The following TAFA4 variants were observed in gnomAD, a reference collection of about 807,000 sequenced individuals.
TAFA4 encodes TAFA chemokine like family member 4, also known as chemokine-like protein TAFA-4.
TAFA4 carries 20 observed loss-of-function variants against 21.1 expected under a neutral mutation model. The observed-to-expected ratio is 0.95, with a 90% confidence interval of 0.67 to 1.38. The LOEUF (loss-of-function observed/expected upper bound fraction) is 1.38. TAFA4 is among the 40% of genes most tolerant of loss of function. The pLI is 0.00. For missense variants in TAFA4, 211 were observed against 180.9 expected (o/e 1.17, Z -0.95); for synonymous variants, 71 against 67.4 (o/e 1.05, Z -0.26).
At position 68,755,000 on chromosome 3, in the gene TAFA4, G is replaced by A. The variant is rs145530518; in HGVS notation, c.131-1982C>T. ...CTTGATGACTTTTTGTGGGGCATCC[G>A]ACTTAGAAACCCGAATCTCAATGTG... On this transcript the variant is annotated intron_variant, in intron 3 of 5. Coordinates refer to ENST00000295569, the MANE Select transcript of TAFA4 (RefSeq NM_182522.5). Among the ~76,000 whole-genome samples the A allele has an allele frequency of 3.4e-3, 514 of 152,212 alleles. 5 individuals are homozygous for A. The highest frequency in any genetic ancestry group is 0.012 in the African/African-American group (481 of 41,524).
At position 68,776,649 on chromosome 3, in the gene TAFA4, C is replaced by A. The variant is rs572040667; in HGVS notation, c.131-23631G>T. On this transcript the variant is annotated intron_variant, in intron 3 of 5. Transcript: ENST00000295569. Reference sequence around the variant, plus strand: ...CATCAATCACAGCAGAACTGTCAACCAGCTGGACTTACTTACTATTTATGG... The same window carrying A: ...CATCAATCACAGCAGAACTGTCAACAAGCTGGACTTACTTACTATTTATGG... Among the ~76,000 whole-genome samples the A allele has an allele frequency of 2.0e-5, 3 of 152,270 alleles. No homozygotes were observed. The East Asian group carries it at 5.8e-4, about 29-fold the overall frequency.
chr3:68,914,557 T>C (rs1001120633), intron 1 of TAFA4, among the ~76,000 whole-genome samples: 9 of 129,082 alleles, frequency 7.0e-5, no homozygotes, highest in African/African-American at 2.6e-4. Flanking sequence ...TTAAAGTTTA[T>C]TTAAATTGTG....
intron 1 of TAFA4, among the ~76,000 whole-genome samples, chr3:68,914,972 G>A (rs1191411122): frequency 2.0e-5 from 3 of 152,088 alleles, no homozygotes; most frequent in Non-Finnish European, 4.4e-5. Context: ...ACATACCATC[G>A]CAGGCTTTTT....
intron 1 of TAFA4, among the ~76,000 whole-genome samples, chr3:68,901,513 C>A (rs1301018300): frequency 6.6e-6 from 1 of 152,028 alleles, no homozygotes; most frequent in African/African-American, 2.4e-5. Context: ...CTATGCTACC[C>A]AATTAGTAGC....
At chr3:68,863,811 T>C (rs2089382419) in intron 3 of TAFA4, among the ~76,000 whole-genome samples, 1 of 152,192 alleles carries the variant, frequency 6.6e-6, no homozygotes, top group Non-Finnish European at 1.5e-5. Context: ...ATCTGACTTA[T>C]TAAAATGCCT....
intron 4 of TAFA4, among the ~76,000 whole-genome samples, chr3:68,741,800 A>T (rs1247677148): frequency 6.7e-6 from 1 of 150,274 alleles, no homozygotes; most frequent in Non-Finnish European, 1.5e-5. Context: ...TCAAAAAAAA[A>T]TAAAAATAAA....
chr3:68,917,762 A>G (rs2090018512), intron 1 of TAFA4, among the ~76,000 whole-genome samples: 2 of 148,396 alleles, frequency 1.3e-5, no homozygotes, highest in East Asian at 3.9e-4. Flanking sequence ...TCAAAAAAAA[A>G]AAAAAAAAAA....
At chr3:68,889,499 C>T (rs2089709970) in intron 1 of TAFA4, among the ~76,000 whole-genome samples, 1 of 152,154 alleles carries the variant, frequency 6.6e-6, no homozygotes. Flanking sequence ...ACTATTCTTT[C>T]AGAATACAGT....
chr3:68,854,418 G>T (rs1012689702), intron 3 of TAFA4, among the ~76,000 whole-genome samples: 1 of 152,028 alleles, frequency 6.6e-6, no homozygotes, highest in African/African-American at 2.4e-5. Flanking sequence ...GCAAGCAGGG[G>T]AGGTGACATG....
rs1347150931 is a variant in TAFA4, at chr3:68,855,688, G to A, written c.130+25042C>T. Among the ~76,000 whole-genome samples the A allele has an allele frequency of 7.2e-5, 11 of 152,034 alleles. No individual in the cohort carries two copies. The South Asian group carries it at 2.1e-3, about 29-fold the overall frequency. ...GAGACACTTCTATATATGTATATACGTGTATATAAATTCACTGAAAATGAC... is the reference window on the plus strand; with the variant it reads ...GAGACACTTCTATATATGTATATACATGTATATAAATTCACTGAAAATGAC... On this transcript the variant is annotated intron_variant, in intron 3 of 5. Transcript: ENST00000295569.
intron 3 of TAFA4, among the ~76,000 whole-genome samples, chr3:68,824,787 G>T (rs1402441818): frequency 6.6e-6 from 1 of 152,170 alleles, no homozygotes; most frequent in Non-Finnish European, 1.5e-5. Flanking sequence ...CATGCAGGCA[G>T]CAAGGGGCAG....
intron 1 of TAFA4, among the ~76,000 whole-genome samples, chr3:68,901,138 A>G (rs2089840649): frequency 6.6e-6 from 1 of 152,194 alleles, no homozygotes; most frequent in Admixed American, 6.5e-5. Flanking sequence ...CAGGGGGTAC[A>G]AAGAAAGCCA....
At chr3:68,851,386 A>C (rs1321751330) in intron 3 of TAFA4, among the ~76,000 whole-genome samples, 1 of 152,150 alleles carries the variant, frequency 6.6e-6, no homozygotes, top group Non-Finnish European at 1.5e-5. Flanking sequence ...TAGCTAATGC[A>C]TGCTGGACTT....
intron 3 of TAFA4, among the ~76,000 whole-genome samples, chr3:68,788,167 C>T (rs1031936422): frequency 4.6e-5 from 7 of 152,160 alleles, no homozygotes; most frequent in Non-Finnish European, 7.3e-5. Context: ...TGCACTTTCT[C>T]ACCTCATTTT....
chr3:68,807,424 C>G (rs1354745254), intron 3 of TAFA4, among the ~76,000 whole-genome samples: 1 of 152,208 alleles, frequency 6.6e-6, no homozygotes, highest in African/African-American at 2.4e-5. Flanking sequence ...CCAAGCCAGA[C>G]TGGCCACAAG....
intron 3 of TAFA4, among the ~76,000 whole-genome samples, chr3:68,771,809 A>G (rs1183662735): frequency 6.6e-6 from 1 of 152,256 alleles, no homozygotes; most frequent in East Asian, 1.9e-4. Context: ...ACGAAGAGCA[A>G]GAGGTGAGCT....
intron 1 of TAFA4, among the ~76,000 whole-genome samples, chr3:68,898,634 A>C (rs986833314): frequency 6.6e-6 from 1 of 152,250 alleles, no homozygotes; most frequent in Non-Finnish European, 1.5e-5. Flanking sequence ...TGACAGAATG[A>C]GATTCCATCT....
chr3:68,866,908 A>G (rs1035728872), intron 3 of TAFA4, among the ~76,000 whole-genome samples: 1 of 152,000 alleles, frequency 6.6e-6, no homozygotes, highest in Non-Finnish European at 1.5e-5. Context: ...AAAGGAACAA[A>G]GGACACCTAC....
At chr3:68,774,348 A>G (rs1379316477) in intron 3 of TAFA4, among the ~76,000 whole-genome samples, 7 of 152,208 alleles carry the variant, frequency 4.6e-5, no homozygotes, top group Admixed American at 6.5e-5. Context: ...TTGACTATTT[A>G]ATACACATTA....
Sources: allele counts gnomAD v4.1 joint callset (sites outside exome capture counted in the v4.1 genomes callset), GRCh38; gene constraint gnomAD v4.1.1; transcripts MANE v1.5; gene names NCBI Gene and HGNC (gene_info 2026-07-23, HGNC 2026-07-21).